Variants in SLIT2 observed in about 807,000 individuals in gnomAD.
SLIT2 encodes slit homolog 2 protein.
Under a neutral mutation model 185.7 loss-of-function variants are expected in SLIT2, and 41 were observed. The ratio of observed to expected loss-of-function variants is 0.22; its 90% CI spans 0.17 to 0.29. The LOEUF is 0.29. SLIT2 is among the 10% of genes least tolerant of loss of function. The pLI is 1.00. For synonymous variants in SLIT2, 693 were observed against 680.2 expected, an observed-to-expected ratio of 1.02 and a Z score of -0.29; for missense variants, 1,571 against 1,909.0, an observed-to-expected ratio of 0.82 and a Z score of 3.30.
chr4:20,343,245 A>C (rs1478308856), intron 4 of SLIT2, among the ~76,000 whole-genome samples: 1 of 152,032 alleles, frequency 6.6e-6, no homozygotes, highest in Non-Finnish European at 1.5e-5. Context: ...CCAGTCTCTG[A>C]TATCTATCAT....
At chr4:20,405,874 T>C (rs188917402) in intron 4 of SLIT2, among the ~76,000 whole-genome samples, 102 of 152,152 alleles carry the variant, frequency 6.7e-4, no homozygotes, top group African/African-American at 2.3e-3. Flanking sequence ...AGAAGAGTAA[T>C]TTTTATCTTT....
At chr4:20,398,792 C>G (rs566286034) in intron 4 of SLIT2, among the ~76,000 whole-genome samples, 1 of 151,716 alleles carries the variant, frequency 6.6e-6, no homozygotes, top group Non-Finnish European at 1.5e-5. Flanking sequence ...TCCATTAATT[C>G]TGGAATATTT....
chr4:20,535,367 G>A (rs1020553542), intron 18 of SLIT2, among the ~76,000 whole-genome samples: 6 of 151,848 alleles, frequency 4.0e-5, no homozygotes, highest in South Asian at 4.2e-4. Flanking sequence ...GACCACAGGC[G>A]GCTGCATCTA....
chr4:20,347,062 G>T (rs149883903), intron 4 of SLIT2, among the ~76,000 whole-genome samples: 2 of 152,158 alleles, frequency 1.3e-5, no homozygotes, highest in South Asian at 4.1e-4. Context: ...TTGACACTCC[G>T]TATTAACCAT....
intron 4 of SLIT2, among the ~76,000 whole-genome samples, chr4:20,372,756 T>A (rs554240096): frequency 2.0e-5 from 3 of 152,192 alleles, no homozygotes; most frequent in Non-Finnish European, 4.4e-5. Flanking sequence ...TCAAGCATCA[T>A]GATAACAAAA....
At chr4:20,618,068 T>C (rs556846826) in intron 36 of SLIT2, among the ~76,000 whole-genome samples, 4 of 152,346 alleles carry the variant, frequency 2.6e-5, no homozygotes, top group Admixed American at 2.6e-4. Context: ...TTAATTCTGC[T>C]CTAGTTTTAG....
At chr4:20,395,648 A>G (rs73108624) in intron 4 of SLIT2, among the ~76,000 whole-genome samples, 7,830 of 152,084 alleles carry the variant, frequency 0.051, 598 homozygotes, top group African/African-American at 0.16. Flanking sequence ...GCAAAATGCA[A>G]ATAAAATACA....
intron 29 of SLIT2, among the ~76,000 whole-genome samples, chr4:20,570,856 C>G (rs1050904965): frequency 2.6e-5 from 4 of 151,076 alleles, no homozygotes; most frequent in African/African-American, 7.3e-5. Context: ...GTTGAGGACT[C>G]TTGAGTTGGT....
intron 29 of SLIT2, among the ~76,000 whole-genome samples, chr4:20,572,395 A>G (rs1725685652): frequency 6.6e-6 from 1 of 152,210 alleles, no homozygotes; most frequent in Non-Finnish European, 1.5e-5. Flanking sequence ...TAAACAAATA[A>G]TTTTAAAATT....
rs1342371248 is a variant in SLIT2, at chr4:20,528,953, A to C, written c.1467A>C (p.Thr489=). 1.9e-6 allele frequency: 3 copies of C among 1,613,610 alleles called. No individual in the cohort carries two copies. Residue 489 remains threonine, a synonymous_variant, in exon 16 of 37, where the codon ACA becomes ACC. Transcript: ENST00000504154. The surrounding 1 kb of genome is among the most constrained non-coding windows in gnomAD (Gnocchi z 4.2). ...TTTGGTTTGAATTCTCAATAGGTAC[A>C]GAAGATTATCGATCAAAATTAAGTG... is the stretch of plus-strand genomic sequence containing the variant. The part of the protein sequence containing the change: ...SAKEQYFIPG[T]EDYRSKLSGD...
intron 4 of SLIT2, among the ~76,000 whole-genome samples, chr4:20,385,718 A>G (rs547811410): frequency 2.0e-5 from 3 of 152,316 alleles, no homozygotes; most frequent in East Asian, 3.9e-4. Context: ...ATTAAAATTC[A>G]GGATCTCTGA....
At chr4:20,472,323 T>TCTATATAGATATCTATATCTATATATAG (rs1715265809) in intron 5 of SLIT2, among the ~76,000 whole-genome samples, 4 of 84,720 alleles carry the variant, frequency 4.7e-5, no homozygotes, top group African/African-American at 2.2e-4. Flanking sequence ...TAGATATATA[T>TCTATATAGATATCTATATCTATATATAG]ATCTATATAT....
intron 5 of SLIT2, among the ~76,000 whole-genome samples, chr4:20,469,579 T>A (rs28688055): frequency 9.8e-4 from 149 of 152,196 alleles, no homozygotes; most frequent in African/African-American, 3.4e-3. Context: ...ACAGGCATAA[T>A]TTTTTCTCAG....
In SLIT2 at chr4:20,519,902, TGGGCCCCTGTAGTCCCAGCTACTCAGGA is replaced by T. The variant is rs1245514422; in HGVS notation, c.1130+452_1130+479del. Reference sequence around the variant, plus strand: ...AAAAATTAGCCGGGCGTGGTGGTGGTGGGCCCCTGTAGTCCCAGCTACTCAGGAGGCTGAGGCAGGAGAATGGCGTGAA... The same window carrying T: ...AAAAATTAGCCGGGCGTGGTGGTGGTGGCTGAGGCAGGAGAATGGCGTGAA... On this transcript the variant is annotated intron_variant, in intron 12 of 36. Transcript: ENST00000504154. 5.9e-5 allele frequency among the ~76,000 whole-genome samples: 9 copies of T among 151,794 alleles called. No homozygotes were observed. The South Asian group carries it at 1.9e-3, about 32-fold the overall frequency.
At chr4:20,494,954 T>C (rs1718100879) in intron 9 of SLIT2, among the ~76,000 whole-genome samples, 1 of 151,948 alleles carries the variant, frequency 6.6e-6, no homozygotes, top group South Asian at 2.1e-4. Flanking sequence ...AGAACCTAAA[T>C]AAAAACAGCA....
intron 4 of SLIT2, among the ~76,000 whole-genome samples, chr4:20,272,759 A>G (rs1031450603): frequency 2.0e-5 from 3 of 152,172 alleles, no homozygotes; most frequent in African/African-American, 7.2e-5. Flanking sequence ...AACCAAACCA[A>G]AACTAAACAA....
chr4:20,545,870 T>G (rs1269747261), intron 21 of SLIT2, among the ~76,000 whole-genome samples, 161 bp from the exon 22 acceptor site: 1 of 151,960 alleles, frequency 6.6e-6, no homozygotes, highest in Non-Finnish European at 1.5e-5. Flanking sequence ...TTTTTTTTTC[T>G]TTACTTCTCT....
At chr4:20,360,106 C>T (rs1268016068) in intron 4 of SLIT2, among the ~76,000 whole-genome samples, 1 of 152,118 alleles carries the variant, frequency 6.6e-6, no homozygotes, top group African/African-American at 2.4e-5. Flanking sequence ...CCTCTCTACA[C>T]TTTAATCTTC....
At chr4:20,568,755 TA>T in intron 28 of SLIT2, 109 bp from the exon 29 acceptor site, 1 of 949,238 alleles carries the variant, frequency 1.1e-6, no homozygotes, top group South Asian at 1.7e-5. Flanking sequence ...TTCTGGTAGT[TA>T]AAAGCTCTAT....
Sources: allele counts gnomAD v4.1 joint callset (sites outside exome capture counted in the v4.1 genomes callset), GRCh38; gene constraint gnomAD v4.1.1; non-coding constraint Gnocchi (gnomAD v3.1); transcripts MANE v1.5; gene names NCBI Gene and HGNC (gene_info 2026-07-23, HGNC 2026-07-21).